SNAP29: variants seen among roughly 807,000 people sequenced by gnomAD.
The protein encoded by SNAP29 is synaptosome associated protein 29.
A neutral mutation model predicts 27.9 loss-of-function variants in SNAP29; 13 were observed. The ratio of observed to expected loss-of-function variants is 0.47; its 90% CI spans 0.30 to 0.74. The LOEUF is 0.74. SNAP29 is among the 30% of genes least tolerant of loss of function. SNAP29 has a pLI of 0.06. For missense variants in SNAP29, 368 were observed against 336.5 expected (o/e 1.09, Z -0.73); for synonymous variants, 119 against 127.1 (o/e 0.94, Z 0.43).
intron 2 of SNAP29, among the ~76,000 whole-genome samples, chr22:20,873,474 T>C (rs1037259781): frequency 2.0e-5 from 3 of 150,730 alleles, no homozygotes; most frequent in Non-Finnish European, 3.0e-5. Flanking sequence ...AAACTCAGAG[T>C]GGGGCTGGGG....
intron 3 of SNAP29, among the ~76,000 whole-genome samples, chr22:20,881,953 T>C (rs1328235237): frequency 1.3e-5 from 2 of 152,082 alleles, no homozygotes; most frequent in African/African-American, 2.4e-5. Context: ...GGTTGTCCAG[T>C]TGGGTCCAGT....
At chr22:20,886,851 G>C (rs531371073) in intron 4 of SNAP29, among the ~76,000 whole-genome samples, 3 of 151,804 alleles carry the variant, frequency 2.0e-5, no homozygotes, top group East Asian at 3.9e-4. Context: ...GACCTCATAC[G>C]ATCCACCCAC....
Position 20,870,505 on chromosome 22 carries a change from G to A in SNAP29, c.406G>A (p.Gly136Ser), listed in dbSNP as rs145563284. 7.4e-6 allele frequency: 12 copies of A among 1,613,974 alleles called. No homozygotes were observed. The African/African-American group carries it at 1.3e-4, about 18-fold the overall frequency. Residue 136 changes from glycine (G) to serine (S), a missense_variant, in exon 2 of 5, where the codon GGC (glycine) becomes AGC (serine). Gly to Ser is a moderately conservative substitution (Grantham distance 56). Coordinates refer to ENST00000215730, the MANE Select transcript of SNAP29 (RefSeq NM_004782.4). ...AGTAGAGACCCCACCTGAACAGAAT[G>A]GCACCCTCACCTCCCAGCCCAACAA... The part of the protein sequence containing the change: ...KPVETPPEQN[G>S]TLTSQPNNRL...
At chr22:20,873,805 TAA>T (rs751354854) in intron 2 of SNAP29, among the ~76,000 whole-genome samples, 32 of 146,988 alleles carry the variant, frequency 2.2e-4, no homozygotes, top group Non-Finnish European at 4.3e-4. Flanking sequence ...CAGTGTCTCC[TAA>T]AAATACAAAA....
At chr22:20,878,819 A>G (rs941359334) in intron 2 of SNAP29, among the ~76,000 whole-genome samples, 1 of 152,112 alleles carries the variant, frequency 6.6e-6, no homozygotes, top group Non-Finnish European at 1.5e-5. Flanking sequence ...GCCATACCTT[A>G]GGGGGCTCAG....
chr22:20,861,691 A>G (rs909104363), intron 1 of SNAP29, among the ~76,000 whole-genome samples: 4 of 152,100 alleles, frequency 2.6e-5, no homozygotes, highest in African/African-American at 9.6e-5. Context: ...GCTAGAGTTC[A>G]GTGGCGCGAT....
intron 1 of SNAP29, among the ~76,000 whole-genome samples, chr22:20,867,174 C>A (rs560143273): frequency 1.3e-5 from 2 of 152,184 alleles, no homozygotes; most frequent in Non-Finnish European, 2.9e-5. Context: ...AAGGGCATCA[C>A]CTGTAATGCT....
rs1279096727 is a variant in SNAP29, at chr22:20,870,889, C to G, written c.434+356C>G. 1.7e-5 allele frequency: 6 copies of G among 348,612 alleles called. No homozygotes were observed. In the Admixed American group the frequency reaches 2.5e-4, roughly 14 times the overall value. 21.6% of individuals were successfully genotyped at this position (348,612 alleles called of 1,614,324 possible). On this transcript the variant is annotated intron_variant, in intron 2 of 4. Transcript: ENST00000215730. ...CAGTGGCTCACACCTGTAATCCCGA[C>G]ACTTCAGGATGCCAAGGTGGGTAGA...
intron 3 of SNAP29, 48 bp downstream of exon 3, chr22:20,881,182 A>G: frequency 7.4e-7 from 1 of 1,353,252 alleles, no homozygotes; most frequent in Non-Finnish European, 1.1e-6. Flanking sequence ...CTGGGGGGAG[A>G]CCTCTAGGTT....
intron 1 of SNAP29, among the ~76,000 whole-genome samples, chr22:20,868,551 C>T (rs1389996649): frequency 1.3e-5 from 2 of 152,138 alleles, no homozygotes; most frequent in East Asian, 1.9e-4. Flanking sequence ...TTTTGCTCTT[C>T]AGGTTTCCAG....
rs1483556547 is a variant in SNAP29, at chr22:20,859,065, T to C, written c.-46T>C. ...GCGAGGCCCTGGACGGCGGCGGCAG[T>C]GGGGCTCCTCCTTCTGTTTCCCAGA... On this transcript the variant is annotated 5_prime_UTR_variant, in exon 1 of 5. Coordinates refer to ENST00000215730, the MANE Select transcript of SNAP29 (RefSeq NM_004782.4). 2 of 1,500,042 alleles carry C rather than the reference T, an allele frequency of 1.3e-6. No homozygotes were observed. The highest frequency in any genetic ancestry group is 1.2e-5 in the South Asian group (1 of 85,836). The allele number at this position is 1,500,042 out of a possible 1,614,324, so 92.9% of individuals were successfully genotyped here.
chr22:20,874,607 G>A (rs1928696464), intron 2 of SNAP29, among the ~76,000 whole-genome samples: 1 of 151,470 alleles, frequency 6.6e-6, no homozygotes, highest in Non-Finnish European at 1.5e-5. Context: ...CTGCAGGAGG[G>A]ACCTGCAGAG....
intron 2 of SNAP29, among the ~76,000 whole-genome samples, chr22:20,872,836 T>TC (rs1928628495): frequency 7.7e-6 from 1 of 130,222 alleles, no homozygotes; most frequent in East Asian, 2.2e-4. Context: ...TTTTTTTTTT[T>TC]TTTTTTTTTT....
chr22:20,876,399 A>G (rs1928746102), intron 2 of SNAP29, among the ~76,000 whole-genome samples: 1 of 150,804 alleles, frequency 6.6e-6, no homozygotes, highest in South Asian at 2.1e-4. Context: ...CTGGGACTAC[A>G]TGCATGGGCC....
chr22:20,871,881 CA>C (rs202046422), intron 2 of SNAP29, among the ~76,000 whole-genome samples: 68 of 138,726 alleles, frequency 4.9e-4, no homozygotes, highest in Admixed American at 5.0e-4. Context: ...GACTCCGTCT[CA>C]AAAAAAAAAA....
chr22:20,886,851 G>A (rs531371073), intron 4 of SNAP29, among the ~76,000 whole-genome samples: 67 of 151,922 alleles, frequency 4.4e-4, no homozygotes, highest in African/African-American at 1.6e-3. Context: ...GACCTCATAC[G>A]ATCCACCCAC....
intron 1 of SNAP29, among the ~76,000 whole-genome samples, 175 bp from the exon 2 acceptor site, chr22:20,870,162 G>A (rs1357593077): frequency 6.6e-6 from 1 of 152,134 alleles, no homozygotes; most frequent in African/African-American, 2.4e-5. Context: ...AGGGCAGGGA[G>A]GGAGAGGCAA....
chr22:20,871,572 C>T (rs995311014), intron 2 of SNAP29, among the ~76,000 whole-genome samples: 2 of 151,068 alleles, frequency 1.3e-5, no homozygotes, highest in Non-Finnish European at 2.9e-5. Flanking sequence ...GGTTTTGGCT[C>T]GAAATATAAA....
chr22:20,882,778 G>A lies in SNAP29; in HGVS notation c.521-693G>A, dbSNP rs555825620. The stretch of plus-strand genomic sequence containing the variant: ...AACTTAAAAGACTGAAGAAAAAATC[G>A]ACACAGTTTGCAGAATGGTTTCAGT... On this transcript the variant is annotated intron_variant, in intron 3 of 4. Transcript: ENST00000215730. Among the ~76,000 whole-genome samples the A allele has an allele frequency of 9.2e-5, 14 of 152,242 alleles. No individual in the cohort carries two copies. In the South Asian group the frequency reaches 2.5e-3, roughly 27 times the overall value.
Sources: allele counts gnomAD v4.1 joint callset (sites outside exome capture counted in the v4.1 genomes callset), GRCh38; gene constraint gnomAD v4.1.1; transcripts MANE v1.5; gene names NCBI Gene and HGNC (gene_info 2026-07-23, HGNC 2026-07-21).